Variants in VWA3B observed in about 807,000 individuals in gnomAD.
VWA3B encodes von Willebrand factor A domain containing 3B.
VWA3B carries 138 observed loss-of-function variants against 158.3 expected under a neutral mutation model. The observed-to-expected ratio is 0.87, with a 90% CI of 0.76 to 1.00. The LOEUF (loss-of-function observed/expected upper bound fraction) is 1.00, where lower values mean the gene tolerates loss of function less well. Ranked by LOEUF, VWA3B falls within the 50% of genes least tolerant of loss-of-function variation. VWA3B has a pLI of 0.00. For synonymous variants in VWA3B, 596 were observed against 587.3 expected (o/e 1.01, Z -0.21); for missense variants, 1,555 against 1,565.1 (o/e 0.99, Z 0.11).
At chr2:98,219,799 G>C (rs1684333763) in intron 14 of VWA3B, among the ~76,000 whole-genome samples, 1 of 152,170 alleles carries the variant, frequency 6.6e-6, no homozygotes. Flanking sequence ...AATACTGAGA[G>C]ACTGTCCACA....
the VWA3B span, among the ~76,000 whole-genome samples, chr2:98,325,287 G>A: frequency 2.6e-5 from 4 of 152,072 alleles, no homozygotes; most frequent in East Asian, 5.8e-4. Flanking sequence ...AATAAAAAAC[G>A]ACACATCACA....
chr2:98,293,138 T>C (rs992887336), intron 23 of VWA3B, among the ~76,000 whole-genome samples: 1 of 150,668 alleles, frequency 6.6e-6, no homozygotes, highest in Non-Finnish European at 1.5e-5. Context: ...CTGGGGGGAG[T>C]AGAGGAGATG....
chr2:98,318,478 C>T, the VWA3B span, among the ~76,000 whole-genome samples: 1 of 152,092 alleles, frequency 6.6e-6, no homozygotes, highest in Admixed American at 6.6e-5. Flanking sequence ...GAACAGAAAA[C>T]CAAATACTGC....
At chr2:98,117,563 C>T (rs1197108092) in intron 3 of VWA3B, among the ~76,000 whole-genome samples, 18 of 151,944 alleles carry the variant, frequency 1.2e-4, no homozygotes, top group Admixed American at 1.2e-3. Flanking sequence ...AGCAGGGGGG[C>T]CATGGGTGAA....
chr2:98,170,625 A>G (rs1679503211), intron 8 of VWA3B, among the ~76,000 whole-genome samples: 1 of 139,004 alleles, frequency 7.2e-6, no homozygotes, highest in African/African-American at 2.5e-5. Flanking sequence ...TTTTTTTTTG[A>G]GATGGAGTAT....
At chr2:98,098,032 A>G (rs550822216) in intron 2 of VWA3B, among the ~76,000 whole-genome samples, 3 of 152,086 alleles carry the variant, frequency 2.0e-5, no homozygotes, top group South Asian at 2.1e-4. Flanking sequence ...TAATTTTCCA[A>G]AGTTCCTCCT....
At chr2:98,286,022 CT>C (rs1421944271) in intron 22 of VWA3B, among the ~76,000 whole-genome samples, 1 of 151,840 alleles carries the variant, frequency 6.6e-6, no homozygotes, top group Non-Finnish European at 1.5e-5. Flanking sequence ...TAAATATATT[CT>C]TTTTTGATGC....
intron 10 of VWA3B, among the ~76,000 whole-genome samples, chr2:98,191,203 T>C (rs1681542668): frequency 6.6e-6 from 1 of 152,222 alleles, no homozygotes; most frequent in Non-Finnish European, 1.5e-5. Flanking sequence ...TATTTAAATA[T>C]CTTCCATTTC....
chr2:98,276,712 G>A (rs1688547115), intron 22 of VWA3B, among the ~76,000 whole-genome samples: 1 of 150,190 alleles, frequency 6.7e-6, no homozygotes, highest in African/African-American at 2.5e-5. Context: ...CGTTTGGAGT[G>A]GGCTGCCCAT....
chr2:98,295,545 A>C (rs1407364009), intron 23 of VWA3B, among the ~76,000 whole-genome samples: 1 of 152,178 alleles, frequency 6.6e-6, no homozygotes, highest in Non-Finnish European at 1.5e-5. Context: ...CCAGGGAGGC[A>C]CTGGGCTTAC....
intron 26 of VWA3B, among the ~76,000 whole-genome samples, chr2:98,304,009 T>G (rs1490777994): frequency 6.6e-6 from 1 of 152,206 alleles, no homozygotes; most frequent in African/African-American, 2.4e-5. Flanking sequence ...GGTTCTAATC[T>G]CAAATTCTAC....
intron 12 of VWA3B, among the ~76,000 whole-genome samples, chr2:98,200,289 T>C (rs896979168): frequency 9.2e-5 from 14 of 152,116 alleles, no homozygotes; most frequent in African/African-American, 3.4e-4. Flanking sequence ...ACGCCTGTAA[T>C]CCCAGCACTT....
chr2:98,151,779 G>T (rs1677657375), intron 7 of VWA3B, among the ~76,000 whole-genome samples: 2 of 152,252 alleles, frequency 1.3e-5, no homozygotes, highest in South Asian at 2.1e-4. Flanking sequence ...CATCTACTTT[G>T]TACAGTTTCT....
chr2:98,280,780 AGG>A (rs1422860392), intron 22 of VWA3B, among the ~76,000 whole-genome samples: 4 of 152,190 alleles, frequency 2.6e-5, no homozygotes, highest in African/African-American at 9.7e-5. Context: ...TTTTAAGGCA[AGG>A]CTAAGTGCCT....
chr2:98,272,158 G>A (rs1458769895), intron 22 of VWA3B, among the ~76,000 whole-genome samples: 1 of 152,160 alleles, frequency 6.6e-6, no homozygotes, highest in East Asian at 1.9e-4. Flanking sequence ...CCCAAGACTG[G>A]CCCTCCCAAC....
chr2:98,324,849 A>C, the VWA3B span, among the ~76,000 whole-genome samples: 1 of 152,318 alleles, frequency 6.6e-6, no homozygotes, highest in East Asian at 1.9e-4. Flanking sequence ...TGCTTATAAT[A>C]AACTATTAAA....
At chr2:98,284,639 C>A (rs1689063092) in intron 22 of VWA3B, among the ~76,000 whole-genome samples, 1 of 152,054 alleles carries the variant, frequency 6.6e-6, no homozygotes, top group South Asian at 2.1e-4. Flanking sequence ...TATATCACTG[C>A]AAAAAGGTGG....
Position 98,181,025 on chromosome 2 carries a change from C to T in VWA3B, c.1124C>T (p.Thr375Ile), listed in dbSNP as rs1477386632. 1.2e-6 allele frequency: 2 copies of T among 1,613,930 alleles called. No individual in the cohort carries two copies. The highest frequency in any genetic ancestry group is 1.3e-5 in the African/African-American group (1 of 74,932). ...AGCTGTGATTCTACAGAGTCAGAAA[C>T]AACCTCTGTTGAGATTGCATCGAAT... Reference protein sequence around the residue: ...DVATVDCESETTSVEIASNPE... With the variant: ...DVATVDCESEITSVEIASNPE... The change falls in exon 9 of 28, where the codon ACA becomes ATA. Residue 375 changes from threonine to isoleucine, a missense_variant. Physicochemically the swap from Thr to Ile is moderately conservative, Grantham distance 89. Coordinates refer to ENST00000477737, the MANE Select transcript of VWA3B (RefSeq NM_144992.5).
chr2:98,215,705 A>G (rs1683929377), intron 13 of VWA3B, among the ~76,000 whole-genome samples: 1 of 151,798 alleles, frequency 6.6e-6, no homozygotes, highest in South Asian at 2.1e-4. Flanking sequence ...TTTGGTAAAG[A>G]CGGGGTTTCA....
Sources: gnomAD v4.1 joint callset for allele counts (sites outside exome capture counted in the v4.1 genomes callset) on GRCh38, gnomAD v4.1.1 for gene constraint, MANE v1.5 for transcripts, NCBI Gene and HGNC (gene_info 2026-07-23, HGNC 2026-07-21) for gene names.